P4HA3: variants seen among roughly 807,000 people sequenced by gnomAD.
P4HA3 encodes prolyl 4-hydroxylase subunit alpha 3.
A neutral mutation model predicts 66.7 loss-of-function variants in P4HA3; 60 were observed. That is an observed-to-expected ratio of 0.90 (90% CI 0.73 to 1.12). P4HA3 has a LOEUF of 1.12. Among genes scored for constraint, P4HA3 ranks in the 50% most tolerant of loss-of-function variants. The probability of loss-of-function intolerance (pLI) is 0.00; values close to 1 mark genes in which losing one functional copy is unlikely to be tolerated. For synonymous variants in P4HA3, 263 were observed against 274.6 expected, an observed-to-expected ratio of 0.96 and a Z score of 0.42; for missense variants, 683 against 685.8, an observed-to-expected ratio of 1.00 and a Z score of 0.05.
chr11:74,287,255 T>C lies in P4HA3; in HGVS notation c.770-864A>G, dbSNP rs2134768980. 3 of 1,289,344 alleles carry C rather than the reference T, an allele frequency of 2.3e-6. No homozygotes were observed. The East Asian group carries it at 1.7e-4, about 72-fold the overall frequency. 79.9% of individuals were successfully genotyped at this position (1,289,344 alleles called of 1,614,324 possible). ...CTAATGCTCCCAAAGCATCTTTCTC[T>C]GAGGAGCCCAGTGTGCTTCTAACCA... On this transcript the variant is annotated intron_variant, in intron 5 of 12. Coordinates refer to ENST00000331597, the MANE Select transcript of P4HA3 (RefSeq NM_182904.5).
intron 8 of P4HA3, among the ~76,000 whole-genome samples, chr11:74,278,836 C>T (rs151110170): frequency 3.3e-5 from 5 of 152,228 alleles, no homozygotes; most frequent in Admixed American, 1.3e-4. Context: ...TGGCCTCCCC[C>T]CAAGGATGCT....
At chr11:74,255,419 T>A (rs78046163) in intron 15 of P4HA3, among the ~76,000 whole-genome samples, 164 of 152,342 alleles carry the variant, frequency 1.1e-3, no homozygotes, top group African/African-American at 3.8e-3. Flanking sequence ...TCCTCCACAC[T>A]GTTGGAGGCT....
downstream of P4HA3, among the ~76,000 whole-genome samples, chr11:74,263,835 A>G (rs1397379238): frequency 6.6e-6 from 1 of 152,228 alleles, no homozygotes; most frequent in Non-Finnish European, 1.5e-5. Context: ...CAAGAAAGAA[A>G]GAAACAGGCT....
chr11:74,310,972 G>A (rs187754019), intron 1 of P4HA3, among the ~76,000 whole-genome samples: 17 of 152,254 alleles, frequency 1.1e-4, no homozygotes, highest in African/African-American at 3.9e-4. Flanking sequence ...TCACAGCACC[G>A]TCCACTGTGT....
chr11:74,271,370 T>C (rs1454105119), intron 10 of P4HA3, among the ~76,000 whole-genome samples: 1 of 152,204 alleles, frequency 6.6e-6, no homozygotes, highest in African/African-American at 2.4e-5. Context: ...CCTGTGGTTT[T>C]ACAATATGGT....
At chr11:74,270,103 A>C (rs893752926) in intron 10 of P4HA3, among the ~76,000 whole-genome samples, 4 of 152,142 alleles carry the variant, frequency 2.6e-5, no homozygotes, top group Admixed American at 2.6e-4. Context: ...ACCTCCTGAA[A>C]TATAATTGTC....
At chr11:74,283,661 T>C (rs1565411767) in intron 7 of P4HA3, among the ~76,000 whole-genome samples, 1 of 152,178 alleles carries the variant, frequency 6.6e-6, no homozygotes, top group Non-Finnish European at 1.5e-5. Flanking sequence ...CTCGCCCCCA[T>C]CCCTTGCACA....
At position 74,267,049 on chromosome 11, in the gene P4HA3, G is replaced by A; in HGVS notation, c.*199C>T. 7 of 1,536,224 alleles carry A rather than the reference G, an allele frequency of 4.6e-6. No homozygotes were observed. In the South Asian group the frequency reaches 8.3e-5, roughly 18 times the overall value. On this transcript the variant is annotated 3_prime_UTR_variant, in exon 13 of 13. Coordinates refer to ENST00000331597, the MANE Select transcript of P4HA3 (RefSeq NM_182904.5). ...CTGTGCATCCTACTCTGACTTCCGT[G>A]GCTGGGGCAGATCAAATGTACATTC...
chr11:74,285,258 T>C (rs115338816), intron 7 of P4HA3, among the ~76,000 whole-genome samples: 1 of 152,276 alleles, frequency 6.6e-6, no homozygotes, highest in African/African-American at 2.4e-5. Flanking sequence ...TAGCTACATG[T>C]ATGAGCTTAA....
At chr11:74,305,923 A>G (rs771488163) in intron 1 of P4HA3, among the ~76,000 whole-genome samples, 3 of 152,202 alleles carry the variant, frequency 2.0e-5, no homozygotes, top group Non-Finnish European at 4.4e-5. Flanking sequence ...CAGATGCAAT[A>G]CCAGATTTAA....
At chr11:74,251,603 C>T (rs762542606) in intron 15 of P4HA3, 16 of 1,602,234 alleles carry the variant, frequency 1.0e-5, no homozygotes, top group Non-Finnish European at 1.3e-5. Context: ...GGCTAAGCCC[C>T]ATCACTAACC....
At chr11:74,293,871 C>T (rs1205637316) in intron 4 of P4HA3, among the ~76,000 whole-genome samples, 3 of 152,178 alleles carry the variant, frequency 2.0e-5, no homozygotes, top group African/African-American at 7.2e-5. Flanking sequence ...TCTCTGGCTG[C>T]CCTTAACATT....
At chr11:74,263,621 C>T (rs1859944655), downstream of P4HA3, among the ~76,000 whole-genome samples, 1 of 152,218 alleles carries the variant, frequency 6.6e-6, no homozygotes. Flanking sequence ...GAACTCATCT[C>T]ATTTTGAGGC....
chr11:74,308,878 A>G lies in P4HA3; in HGVS notation c.200+2534T>C, dbSNP rs555577814. Among the ~76,000 whole-genome samples the G allele has an allele frequency of 7.2e-5, 11 of 152,364 alleles. 1 individual carries two copies. The East Asian group carries it at 1.7e-3, about 24-fold the overall frequency. ...TACTCTTAATCCTTCCAAAAACCCT[A>G]TGGTGGTAGGTACTATTTTTATCAT... is the stretch of plus-strand genomic sequence containing the variant. On this transcript the variant is annotated intron_variant, in intron 1 of 12. Transcript: ENST00000331597.
chr11:74,277,459 C>T (rs1860440614), intron 8 of P4HA3, among the ~76,000 whole-genome samples: 1 of 152,126 alleles, frequency 6.6e-6, no homozygotes, highest in Non-Finnish European at 1.5e-5. Context: ...GACCCGGGTA[C>T]AGTGGGAAAA....
chr11:74,276,543 T>C (rs1360826665), intron 9 of P4HA3, among the ~76,000 whole-genome samples: 1 of 152,026 alleles, frequency 6.6e-6, no homozygotes, highest in Non-Finnish European at 1.5e-5. Flanking sequence ...CAGAGCAAGA[T>C]GCTGCCTATA....
intron 10 of P4HA3, among the ~76,000 whole-genome samples, chr11:74,271,884 A>T (rs894512833): frequency 6.6e-6 from 1 of 152,170 alleles, no homozygotes; most frequent in Non-Finnish European, 1.5e-5. Flanking sequence ...TGGTCCCATG[A>T]TACTGATTCC....
At chr11:74,279,347 AGGGT>A in intron 8 of P4HA3, 37 bp downstream of exon 8, 1 of 1,580,142 alleles carries the variant, frequency 6.3e-7, no homozygotes, top group Non-Finnish European at 8.7e-7. Context: ...CTACGGCCCG[AGGGT>A]GGGCAGCAGG....
intron 11 of P4HA3, among the ~76,000 whole-genome samples, chr11:74,268,526 G>C (rs1259490610): frequency 6.6e-6 from 1 of 152,204 alleles, no homozygotes; most frequent in Non-Finnish European, 1.5e-5. Context: ...AAACAGACCT[G>C]AACAAGACAG....
Sources: gnomAD v4.1 joint callset for allele counts (sites outside exome capture counted in the v4.1 genomes callset) on GRCh38, gnomAD v4.1.1 for gene constraint, MANE v1.5 for transcripts, NCBI Gene and HGNC (gene_info 2026-07-23, HGNC 2026-07-21) for gene names.